ENTREP2: variants seen among roughly 807,000 people sequenced by gnomAD.
ENTREP2 encodes the protein endosomal transmembrane epsin interactor 2, also known as protein ENTREP2.
chr15:29,548,730 T>C, the ENTREP2 span, among the ~76,000 whole-genome samples: 6,574 of 152,212 alleles, frequency 0.043, 483 homozygotes, highest in African/African-American at 0.15. Flanking sequence ...GAAACAACTG[T>C]ACCATGAAGC....
At chr15:29,286,411 A>C in the ENTREP2 span, among the ~76,000 whole-genome samples, 1 of 152,224 alleles carries the variant, frequency 6.6e-6, no homozygotes, top group Non-Finnish European at 1.5e-5. Flanking sequence ...CATATGTGGT[A>C]CATTTTCCCA....
the ENTREP2 span, among the ~76,000 whole-genome samples, chr15:29,557,321 C>T: frequency 1.3e-5 from 2 of 152,272 alleles, no homozygotes; most frequent in South Asian, 2.1e-4. Context: ...CAGGGAGCAG[C>T]GACGGGGTTT....
chr15:29,541,459 C>T, the ENTREP2 span, among the ~76,000 whole-genome samples: 2 of 152,096 alleles, frequency 1.3e-5, no homozygotes, highest in African/African-American at 2.4e-5. Flanking sequence ...TAACAGAAGA[C>T]AAGAGCAAGC....
At chr15:29,648,198 G>A in the ENTREP2 span, among the ~76,000 whole-genome samples, 1 of 152,222 alleles carries the variant, frequency 6.6e-6, no homozygotes, top group East Asian at 1.9e-4. Flanking sequence ...AACATGGGAA[G>A]TACCAGAAAC....
the ENTREP2 span, among the ~76,000 whole-genome samples, chr15:29,264,398 C>T: frequency 5.0e-3 from 768 of 152,160 alleles, 6 homozygotes; most frequent in African/African-American, 0.017. Context: ...ATTTGTTTAC[C>T]TTAAAGGAGA....
At chr15:29,418,948 A>T in the ENTREP2 span, among the ~76,000 whole-genome samples, 1 of 152,242 alleles carries the variant, frequency 6.6e-6, no homozygotes, top group East Asian at 1.9e-4. Context: ...TGAGGGTAAG[A>T]GACTTAAATT....
the ENTREP2 span, among the ~76,000 whole-genome samples, chr15:29,449,819 A>G: frequency 6.6e-6 from 1 of 152,194 alleles, no homozygotes; most frequent in Non-Finnish European, 1.5e-5. Flanking sequence ...TTAAATACAC[A>G]TTCACATTAT....
At chr15:29,653,769 T>C in the ENTREP2 span, among the ~76,000 whole-genome samples, 1 of 152,226 alleles carries the variant, frequency 6.6e-6, no homozygotes, top group Non-Finnish European at 1.5e-5. Flanking sequence ...AATGGACTAA[T>C]ACACACACCA....
the ENTREP2 span, among the ~76,000 whole-genome samples, chr15:29,256,937 C>T: frequency 6.6e-6 from 1 of 152,014 alleles, no homozygotes; most frequent in East Asian, 1.9e-4. Flanking sequence ...TTTTTTTGCA[C>T]TTAATATGGT....
At chr15:29,298,106 A>T in the ENTREP2 span, among the ~76,000 whole-genome samples, 1 of 152,192 alleles carries the variant, frequency 6.6e-6, no homozygotes, top group Non-Finnish European at 1.5e-5. Context: ...CTATATAACA[A>T]AAAGATACTA....
the ENTREP2 span, among the ~76,000 whole-genome samples, chr15:29,476,439 C>T: frequency 6.6e-6 from 1 of 152,148 alleles, no homozygotes; most frequent in East Asian, 1.9e-4. Context: ...TTAGAATGCC[C>T]GTTCACCAAA....
the ENTREP2 span, among the ~76,000 whole-genome samples, chr15:29,346,725 CAAG>C: frequency 4.6e-5 from 7 of 152,094 alleles, no homozygotes; most frequent in African/African-American, 1.4e-4. Context: ...CTGTGTAAAC[CAAG>C]AAGATTTATG....
the ENTREP2 span, among the ~76,000 whole-genome samples, chr15:29,155,689 C>T: frequency 6.6e-6 from 1 of 152,184 alleles, no homozygotes; most frequent in African/African-American, 2.4e-5. Context: ...GTTCCCTTTC[C>T]AGCACTGAAC....
At chr15:29,529,209 T>TTG in the ENTREP2 span, among the ~76,000 whole-genome samples, 1 of 1,016 alleles carries the variant, frequency 9.8e-4, no homozygotes. Flanking sequence ...AAAGGTGGGG[T>TTG]TGTGAGGGCG....
chr15:29,393,663 G>C, the ENTREP2 span, among the ~76,000 whole-genome samples: 1 of 152,106 alleles, frequency 6.6e-6, no homozygotes, highest in Non-Finnish European at 1.5e-5. Flanking sequence ...GCCAGAATCA[G>C]AAGGAAATCC....
At chr15:29,376,434 G>A in the ENTREP2 span, 2 of 151,908 alleles carry the variant, frequency 1.3e-5, no homozygotes, top group Non-Finnish European at 2.9e-5. Context: ...CTCAATCATA[G>A]AAGACACTAA....
the ENTREP2 span, among the ~76,000 whole-genome samples, chr15:29,118,567 C>T: frequency 1.3e-5 from 2 of 152,228 alleles, no homozygotes; most frequent in Admixed American, 1.3e-4. Flanking sequence ...ACGGGGTCAG[C>T]GCCAGGTTCT....
At chr15:29,420,869 G>A in the ENTREP2 span, among the ~76,000 whole-genome samples, 2 of 152,222 alleles carry the variant, frequency 1.3e-5, no homozygotes, top group Non-Finnish European at 2.9e-5. Context: ...AGCAACATGA[G>A]GCAACAGAAG....
the ENTREP2 span, among the ~76,000 whole-genome samples, chr15:29,271,080 C>T: frequency 6.6e-6 from 1 of 151,910 alleles, no homozygotes; most frequent in African/African-American, 2.4e-5. Context: ...ACTGGAACTG[C>T]AATAGTAAAT....
Sources: gnomAD v4.1 joint callset for allele counts (sites outside exome capture counted in the v4.1 genomes callset) on GRCh38, gnomAD v4.1.1 for gene constraint, MANE v1.5 for transcripts, NCBI Gene and HGNC (gene_info 2026-07-23, HGNC 2026-07-21) for gene names.